Variants in RIMS2 observed in about 807,000 individuals in gnomAD.
The protein encoded by RIMS2 is regulating synaptic membrane exocytosis 2, also known as regulating synaptic membrane exocytosis protein 2.
In RIMS2, 59 loss-of-function variants were observed where a neutral mutation model predicts 174.4. That is an observed-to-expected ratio of 0.34 (90% CI 0.27 to 0.42). RIMS2 has a LOEUF of 0.42. RIMS2 is among the 10% of genes least tolerant of loss of function. RIMS2 has a pLI of 1.00. For missense variants in RIMS2, 1,620 were observed against 1,666.3 expected (o/e 0.97, Z 0.48); for synonymous variants, 606 against 572.5 (o/e 1.06, Z -0.84).
intron 1 of RIMS2, among the ~76,000 whole-genome samples, chr8:103,554,395 C>G (rs541054007): frequency 6.6e-6 from 1 of 152,050 alleles, no homozygotes; most frequent in Admixed American, 6.6e-5. Context: ...TGAACAGATG[C>G]TTTTCAAAAG....
chr8:103,921,766 CT>C lies in RIMS2; in HGVS notation c.2180del (p.Leu727TyrfsTer23). 1.4e-6 allele frequency: 2 copies of C among 1,396,704 alleles called. No homozygotes were observed. The highest frequency in any genetic ancestry group is 2.0e-6 in the Non-Finnish European group (2 of 983,100). The allele number at this position is 1,396,704 out of a possible 1,614,324, so 86.5% of individuals were successfully genotyped here. A position where few individuals can be genotyped will look rare whatever the true frequency, so the allele number is the denominator to read the frequency against. ...GAATGTTGAGGGATGTCCCACAGTT[CT>C]TATCAGGACAACTTTCAGTATGTAG... On this transcript the variant is annotated frameshift_variant, in exon 10 of 24. Coordinates refer to ENST00000504942, the Ensembl canonical transcript of RIMS2. LOFTEE classifies it high-confidence loss of function.
intron 16 of RIMS2, among the ~76,000 whole-genome samples, chr8:103,978,485 C>G (rs2093634412): frequency 6.6e-6 from 1 of 151,092 alleles, no homozygotes; most frequent in Non-Finnish European, 1.5e-5. Flanking sequence ...ATTAGACAGT[C>G]TGTACTTTGC....
At chr8:104,083,761 T>G (rs558867601) in intron 19 of RIMS2, among the ~76,000 whole-genome samples, 1 of 152,298 alleles carries the variant, frequency 6.6e-6, no homozygotes, top group Admixed American at 6.5e-5. Flanking sequence ...ATCAGAATAT[T>G]ATTATTAATA....
At position 104,245,645 on chromosome 8, in the gene RIMS2, AAATT is replaced by A. The variant is rs531291173; in HGVS notation, c.3476+592_3476+595del. ...TAGCTTGTGTAGTTCTGTCACCAACAAATTAATAGTACTTAGCAACTAAAGATCT... is the reference window on the plus strand; with the variant it reads ...TAGCTTGTGTAGTTCTGTCACCAACAAATAGTACTTAGCAACTAAAGATCT... On this transcript the variant is annotated intron_variant, in intron 20 of 23. Coordinates refer to ENST00000504942, the Ensembl canonical transcript of RIMS2. Among the ~76,000 whole-genome samples the A allele has an allele frequency of 5.3e-4, 80 of 152,360 alleles. 1 individual carries two copies. In the Middle Eastern group the frequency reaches 0.01, roughly 19 times the overall value.
chr8:104,017,587 CT>C (rs951769874), intron 19 of RIMS2, among the ~76,000 whole-genome samples: 7 of 150,222 alleles, frequency 4.7e-5, no homozygotes, highest in African/African-American at 1.5e-4. Flanking sequence ...AGTTATATAA[CT>C]TTTTTTAGTA....
At chr8:104,051,462 G>T (rs1434058075) in intron 19 of RIMS2, among the ~76,000 whole-genome samples, 1 of 151,864 alleles carries the variant, frequency 6.6e-6, no homozygotes, top group Non-Finnish European at 1.5e-5. Flanking sequence ...AGAGTAAAGG[G>T]GTGAGAATTT....
At chr8:103,730,078 G>T (rs558807745) in intron 2 of RIMS2, among the ~76,000 whole-genome samples, 2 of 152,158 alleles carry the variant, frequency 1.3e-5, no homozygotes, top group Non-Finnish European at 2.9e-5. Flanking sequence ...GGACTATACT[G>T]CAGATTATGT....
chr8:103,512,159 A>G (rs1053848978), intron 1 of RIMS2, among the ~76,000 whole-genome samples: 1 of 152,214 alleles, frequency 6.6e-6, no homozygotes, highest in African/African-American at 2.4e-5. Context: ...ACTGGCAACC[A>G]TGCACTGTAG....
intron 2 of RIMS2, among the ~76,000 whole-genome samples, chr8:103,733,171 C>T (rs1229871467): frequency 6.6e-6 from 1 of 152,108 alleles, no homozygotes; most frequent in East Asian, 1.9e-4. Flanking sequence ...ACTGGGTTCT[C>T]TTCAAGGCAG....
At chr8:103,547,784 G>T (rs529888523) in intron 1 of RIMS2, among the ~76,000 whole-genome samples, 2 of 152,062 alleles carry the variant, frequency 1.3e-5, no homozygotes, top group Non-Finnish European at 2.9e-5. Context: ...AAGGGAAAAA[G>T]AGAGAACATC....
At chr8:104,018,242 A>G (rs2095982659) in intron 19 of RIMS2, among the ~76,000 whole-genome samples, 1 of 152,202 alleles carries the variant, frequency 6.6e-6, no homozygotes, top group Admixed American at 6.5e-5. Flanking sequence ...GTGGAAGAGC[A>G]GGGGGAAGAA....
chr8:103,690,485 C>T (rs538283833), intron 1 of RIMS2, among the ~76,000 whole-genome samples: 2 of 152,090 alleles, frequency 1.3e-5, no homozygotes, highest in South Asian at 2.1e-4. Context: ...TTTGAGGTTA[C>T]CATGAAGTTA....
chr8:104,038,607 A>T (rs568608583), intron 19 of RIMS2, among the ~76,000 whole-genome samples: 5 of 152,080 alleles, frequency 3.3e-5, no homozygotes, highest in Admixed American at 3.3e-4. Context: ...GGATACTCTT[A>T]GCTTCTTCCA....
chr8:104,084,912 T>C (rs1045104373), intron 19 of RIMS2, among the ~76,000 whole-genome samples: 6 of 152,190 alleles, frequency 3.9e-5, no homozygotes, highest in African/African-American at 7.2e-5. Flanking sequence ...GGAAGAGCAG[T>C]TACACACCCA....
intron 19 of RIMS2, among the ~76,000 whole-genome samples, chr8:104,149,460 T>C (rs1247137696): frequency 6.6e-6 from 1 of 152,228 alleles, no homozygotes; most frequent in Non-Finnish European, 1.5e-5. Flanking sequence ...AAAATTCAGT[T>C]GCTAAATCAC....
chr8:103,734,273 A>C (rs969531937), intron 2 of RIMS2, among the ~76,000 whole-genome samples: 17 of 147,514 alleles, frequency 1.2e-4, no homozygotes, highest in African/African-American at 4.3e-4. Flanking sequence ...GGCCTCCCAA[A>C]GTGTTGGGAT....
intron 1 of RIMS2, among the ~76,000 whole-genome samples, chr8:103,608,408 G>C (rs1215506774): frequency 6.9e-6 from 1 of 144,088 alleles, no homozygotes; most frequent in Non-Finnish European, 1.5e-5. Flanking sequence ...TGTCAGACAG[G>C]GACATTTAAG....
intron 1 of RIMS2, among the ~76,000 whole-genome samples, chr8:103,503,040 AT>A (rs993474802): frequency 5.3e-5 from 8 of 151,990 alleles, no homozygotes; most frequent in African/African-American, 1.9e-4. Flanking sequence ...ACATATTCAT[AT>A]TTCCATAGTT....
At chr8:103,523,275 T>G (rs1249316346) in intron 1 of RIMS2, among the ~76,000 whole-genome samples, 2 of 152,172 alleles carry the variant, frequency 1.3e-5, no homozygotes, top group African/African-American at 2.4e-5. Flanking sequence ...ATTCATCATT[T>G]GATTTTGCAT....
Sources: allele counts gnomAD v4.1 joint callset (sites outside exome capture counted in the v4.1 genomes callset), GRCh38; gene constraint gnomAD v4.1.1; transcripts MANE v1.5; gene names NCBI Gene and HGNC (gene_info 2026-07-23, HGNC 2026-07-21).